PDE4D: variants seen among roughly 807,000 people sequenced by gnomAD.
PDE4D encodes the protein 3',5'-cyclic-AMP phosphodiesterase 4D.
PDE4D carries 24 observed loss-of-function variants against 87.4 expected under a neutral mutation model. The ratio of observed to expected loss-of-function variants is 0.27; its 90% CI spans 0.20 to 0.39. The LOEUF (loss-of-function observed/expected upper bound fraction) is 0.39, where lower values mean the gene tolerates loss of function less well. PDE4D is among the 10% of genes least tolerant of loss of function. PDE4D has a pLI of 1.00. For missense variants in PDE4D, 714 were observed against 1,041.0 expected (o/e 0.69, Z 4.32); for synonymous variants, 384 against 383.2 (o/e 1.00, Z -0.02).
chr5:59,056,410 A>C (rs1561401629), intron 5 of PDE4D, among the ~76,000 whole-genome samples: 1 of 152,116 alleles, frequency 6.6e-6, no homozygotes, highest in Non-Finnish European at 1.5e-5. Flanking sequence ...AATGTTTAAA[A>C]AGGAGTTTTT....
At chr5:59,170,837 G>T (rs1782636669) in intron 5 of PDE4D, among the ~76,000 whole-genome samples, 1 of 150,842 alleles carries the variant, frequency 6.6e-6, no homozygotes, top group Admixed American at 6.6e-5. Flanking sequence ...AACCCTTTAT[G>T]CACATTCACA....
At chr5:60,046,500 G>GGTTT (rs1297139188) in intron 2 of PDE4D, among the ~76,000 whole-genome samples, 10 of 151,966 alleles carry the variant, frequency 6.6e-5, no homozygotes, top group African/African-American at 2.4e-5. Flanking sequence ...ATTGGCTGTG[G>GGTTT]GTTTGTCATA....
chr5:59,447,746 T>C (rs908642556), intron 1 of PDE4D, among the ~76,000 whole-genome samples: 1 of 152,216 alleles, frequency 6.6e-6, no homozygotes, highest in African/African-American at 2.4e-5. Context: ...AAGCCCATTA[T>C]TGTGCCAGGA....
At chr5:60,387,139 T>C (rs990600126) in intron 1 of PDE4D, among the ~76,000 whole-genome samples, 2 of 152,276 alleles carry the variant, frequency 1.3e-5, no homozygotes, top group African/African-American at 4.8e-5. Context: ...AATCTACCAA[T>C]GCAGTAACAA....
At chr5:59,653,542 T>C (rs957072352) in intron 1 of PDE4D, among the ~76,000 whole-genome samples, 16 of 152,218 alleles carry the variant, frequency 1.1e-4, no homozygotes, top group Admixed American at 2.6e-4. Context: ...GTGGTATAAA[T>C]AAACAATAAG....
At chr5:59,213,013 A>G (rs1432074990) in intron 2 of PDE4D, among the ~76,000 whole-genome samples, 1 of 150,916 alleles carries the variant, frequency 6.6e-6, no homozygotes, top group African/African-American at 2.4e-5. Flanking sequence ...TCATCTGGAG[A>G]TGGAGGAGTA....
intron 1 of PDE4D, among the ~76,000 whole-genome samples, chr5:59,856,479 G>A (rs892962198): frequency 1.2e-4 from 18 of 152,236 alleles, no homozygotes; most frequent in East Asian, 7.7e-4. Flanking sequence ...AATAAATCTC[G>A]TAGTGATGAG....
intron 1 of PDE4D, among the ~76,000 whole-genome samples, chr5:59,701,204 T>G (rs1219920777): frequency 6.6e-6 from 1 of 152,066 alleles, no homozygotes; most frequent in African/African-American, 2.4e-5. Context: ...CACCCTACAT[T>G]CATTCTTTAA....
chr5:59,794,740 A>C (rs971595431), intron 1 of PDE4D, among the ~76,000 whole-genome samples: 3 of 152,240 alleles, frequency 2.0e-5, no homozygotes, highest in Non-Finnish European at 4.4e-5. Flanking sequence ...TTGTGACAAC[A>C]GTTTAAAAAA....
chr5:60,399,257 C>T (rs894122202), intron 1 of PDE4D, among the ~76,000 whole-genome samples: 3 of 152,120 alleles, frequency 2.0e-5, no homozygotes, highest in Admixed American at 1.3e-4. Context: ...AGAAAAGGAA[C>T]TGAAGGATAT....
intron 1 of PDE4D, among the ~76,000 whole-genome samples, chr5:60,251,889 C>A (rs1162956535): frequency 1.3e-5 from 2 of 151,920 alleles, no homozygotes; most frequent in African/African-American, 4.8e-5. Flanking sequence ...AGCTTCTACT[C>A]CTGCAAGCTT....
At chr5:60,304,127 T>C (rs1452772167) in intron 1 of PDE4D, 1 of 152,200 alleles carries the variant, frequency 6.6e-6, no homozygotes, top group Non-Finnish European at 1.5e-5. Flanking sequence ...GTTCCAAGTT[T>C]AGTATATGTT....
intron 1 of PDE4D, among the ~76,000 whole-genome samples, chr5:59,483,794 C>T (rs1409543562): frequency 6.6e-6 from 1 of 152,178 alleles, no homozygotes; most frequent in Non-Finnish European, 1.5e-5. Flanking sequence ...ACACAGTGCT[C>T]AGGATGCAAG....
chr5:59,648,606 G>C (rs1436021956), intron 1 of PDE4D, among the ~76,000 whole-genome samples: 1 of 151,996 alleles, frequency 6.6e-6, no homozygotes, highest in Non-Finnish European at 1.5e-5. Context: ...CTGACAGCAA[G>C]CTTCTTGTGA....
intron 1 of PDE4D, among the ~76,000 whole-genome samples, chr5:60,470,834 G>A (rs1747764465): frequency 6.6e-6 from 1 of 152,100 alleles, no homozygotes; most frequent in South Asian, 2.1e-4. Flanking sequence ...AATGCACCTA[G>A]TCACTCAAGA....
intron 2 of PDE4D, among the ~76,000 whole-genome samples, chr5:60,118,715 C>T (rs1296485946): frequency 6.6e-6 from 1 of 152,050 alleles, no homozygotes; most frequent in African/African-American, 2.4e-5. Flanking sequence ...TTGCCTGACA[C>T]TTACATCAAT....
At chr5:60,056,211 G>T (rs1047975392) in intron 2 of PDE4D, among the ~76,000 whole-genome samples, 1 of 152,014 alleles carries the variant, frequency 6.6e-6, no homozygotes, top group African/African-American at 2.4e-5. Flanking sequence ...TCCCTTGAAT[G>T]AACCCATCGC....
At chr5:60,506,526 G>A (rs73759316) in intron 1 of PDE4D, among the ~76,000 whole-genome samples, 2,358 of 151,986 alleles carry the variant, frequency 0.016, 65 homozygotes, top group African/African-American at 0.054. Context: ...AAACTGAATA[G>A]CAAAAATTAT....
intron 3 of PDE4D, among the ~76,000 whole-genome samples, chr5:59,942,606 T>G (rs1304453770): frequency 1.3e-5 from 2 of 151,986 alleles, no homozygotes; most frequent in Non-Finnish European, 2.9e-5. Flanking sequence ...AGAACACACT[T>G]CAAATTGTGA....
Sources: allele counts gnomAD v4.1 joint callset (sites outside exome capture counted in the v4.1 genomes callset), GRCh38; gene constraint gnomAD v4.1.1; transcripts MANE v1.5; gene names NCBI Gene and HGNC (gene_info 2026-07-23, HGNC 2026-07-21).